RORA: variants seen among roughly 807,000 people sequenced by gnomAD.
RORA encodes the protein RAR related orphan receptor A.
Under a neutral mutation model 69.5 loss-of-function variants are expected in RORA, and 7 were observed. That is an observed-to-expected ratio of 0.10 (90% CI 0.06 to 0.19). RORA has a LOEUF of 0.19. Ranked by LOEUF, RORA falls within the 10% of genes least tolerant of loss-of-function variation. RORA has a pLI of 1.00. For missense variants in RORA, 457 were observed against 663.0 expected (o/e 0.69, Z 3.41); for synonymous variants, 261 against 240.8 (o/e 1.08, Z -0.78).
chr15:61,068,662 T>C (rs2078297641), intron 1 of RORA, among the ~76,000 whole-genome samples: 1 of 152,208 alleles, frequency 6.6e-6, no homozygotes, highest in South Asian at 2.1e-4. Context: ...ATATAAACCA[T>C]TCTGGGAAGA....
chr15:60,527,820 A>G (rs531221517), intron 3 of RORA, among the ~76,000 whole-genome samples: 48 of 152,294 alleles, frequency 3.2e-4, no homozygotes, highest in East Asian at 1.7e-3. Context: ...CTTTGCTTCA[A>G]TCAAACTGAG....
intron 1 of RORA, among the ~76,000 whole-genome samples, chr15:60,999,932 C>T (rs949335061): frequency 6.6e-5 from 10 of 152,092 alleles, no homozygotes; most frequent in Non-Finnish European, 8.8e-5. Context: ...GAATTACAGA[C>T]AAGAAATTAA....
intron 1 of RORA, among the ~76,000 whole-genome samples, chr15:61,170,513 G>A (rs902199476): frequency 8.5e-5 from 13 of 152,160 alleles, no homozygotes; most frequent in Non-Finnish European, 1.2e-4. Flanking sequence ...CCAACTCAAG[G>A]TCCTAACTGA....
intron 2 of RORA, among the ~76,000 whole-genome samples, chr15:60,659,996 C>A (rs534763561): frequency 1.3e-5 from 2 of 152,276 alleles, no homozygotes; most frequent in Non-Finnish European, 1.5e-5. Context: ...CAGTATTATG[C>A]CTGACAATAT....
intron 1 of RORA, among the ~76,000 whole-genome samples, chr15:61,029,695 G>C (rs1036116726): frequency 6.6e-6 from 1 of 152,090 alleles, no homozygotes; most frequent in Non-Finnish European, 1.5e-5. Context: ...GTAAAGAAGG[G>C]GAAAGAATTC....
At chr15:61,017,585 G>C (rs1703068070) in intron 1 of RORA, among the ~76,000 whole-genome samples, 1 of 151,990 alleles carries the variant, frequency 6.6e-6, no homozygotes, top group African/African-American at 2.4e-5. Flanking sequence ...CTGAACACTT[G>C]AAAGGATGAT....
At chr15:60,562,556 G>A (rs1257778262) in intron 2 of RORA, among the ~76,000 whole-genome samples, 5 of 150,918 alleles carry the variant, frequency 3.3e-5, no homozygotes, top group Non-Finnish European at 5.9e-5. Flanking sequence ...CTGCCTCAGC[G>A]TCCCAAGTAG....
intron 2 of RORA, chr15:60,614,927 A>G (rs2069192045): frequency 1.2e-6 from 2 of 1,613,730 alleles, no homozygotes; most frequent in Admixed American, 1.7e-5. Context: ...AAAGAGAAGA[A>G]CTCCCTTAAA....
intron 2 of RORA, among the ~76,000 whole-genome samples, chr15:60,540,569 C>G (rs1048042929): frequency 1.6e-5 from 1 of 62,494 alleles, no homozygotes; most frequent in African/African-American, 3.7e-5. Flanking sequence ...CCATGACCCC[C>G]CCCCCCCAAA....
chr15:61,041,128 C>A (rs1896745403), intron 1 of RORA: 3 of 152,216 alleles, frequency 2.0e-5, no homozygotes, highest in Admixed American at 2.0e-4. Flanking sequence ...ACAGATCCTC[C>A]AGAAGCCTGT....
intron 2 of RORA, among the ~76,000 whole-genome samples, chr15:60,635,061 C>T (rs1161652690): frequency 1.3e-5 from 2 of 152,212 alleles, no homozygotes; most frequent in Non-Finnish European, 2.9e-5. Flanking sequence ...CGGAGCACGG[C>T]CTGCCCCTCT....
rs183413641 is a variant in RORA, at chr15:60,963,878, G to A, written c.166+265175C>T. On this transcript the variant is annotated intron_variant, in intron 1 of 10. Coordinates refer to ENST00000335670, the MANE Select transcript of RORA (RefSeq NM_134261.3). ...GCTTTCTGGCTGGGATATTCAAGGG[G>A]AGGTTCATCAGTGGGTGGCTTAAAG... Among the ~76,000 whole-genome samples, 16 of 152,370 alleles carry A rather than the reference G, an allele frequency of 1.1e-4. No homozygotes were observed. In the East Asian group the frequency reaches 2.7e-3, roughly 26 times the overall value.
intron 1 of RORA, among the ~76,000 whole-genome samples, chr15:60,853,162 CAG>C (rs890319221): frequency 3.9e-5 from 6 of 152,128 alleles, no homozygotes; most frequent in African/African-American, 1.4e-4. Flanking sequence ...AAAATACAAA[CAG>C]AGGCAAAGCA....
intron 1 of RORA, among the ~76,000 whole-genome samples, chr15:61,158,672 G>A (rs551254253): frequency 4.6e-5 from 7 of 152,140 alleles, no homozygotes; most frequent in Non-Finnish European, 1.0e-4. Flanking sequence ...TCGCAGATGT[G>A]GTAATAGAGA....
intron 2 of RORA, among the ~76,000 whole-genome samples, chr15:60,536,438 A>G (rs1319247051): frequency 6.6e-6 from 1 of 152,236 alleles, no homozygotes; most frequent in Non-Finnish European, 1.5e-5. Flanking sequence ...TCCAAATAAC[A>G]TGACAGGCAG....
At chr15:60,819,767 A>ACACACACACACACGCACG (rs1555455766) in intron 1 of RORA, among the ~76,000 whole-genome samples, 1 of 147,532 alleles carries the variant, frequency 6.8e-6, no homozygotes, top group African/African-American at 2.5e-5. Context: ...ACACACACAC[A>ACACACACACACACGCACG]CACACACACA....
At chr15:60,541,857 C>T (rs1377585861) in intron 2 of RORA, among the ~76,000 whole-genome samples, 1 of 152,198 alleles carries the variant, frequency 6.6e-6, no homozygotes, top group Non-Finnish European at 1.5e-5. Context: ...AACACAACAG[C>T]CATGTAAAGA....
chr15:61,080,074 G>A (rs1296419133), intron 1 of RORA, among the ~76,000 whole-genome samples: 3 of 152,140 alleles, frequency 2.0e-5, no homozygotes, highest in African/African-American at 4.8e-5. Context: ...GAAGAGAGCT[G>A]GTTCATGGGA....
At chr15:60,985,677 C>T (rs1894180165) in intron 1 of RORA, among the ~76,000 whole-genome samples, 1 of 144,170 alleles carries the variant, frequency 6.9e-6, no homozygotes, top group Non-Finnish European at 1.5e-5. Flanking sequence ...CTCTGGCTTC[C>T]GGGTTCAAGC....
Sources: allele counts gnomAD v4.1 joint callset (sites outside exome capture counted in the v4.1 genomes callset), GRCh38; gene constraint gnomAD v4.1.1; transcripts MANE v1.5; gene names NCBI Gene and HGNC (gene_info 2026-07-23, HGNC 2026-07-21).